Variants in ZNF652 observed in about 807,000 individuals in gnomAD.
The protein encoded by ZNF652 is zinc finger protein 652.
Under a neutral mutation model 45.2 loss-of-function variants are expected in ZNF652, and 16 were observed. The observed-to-expected ratio is 0.35, with a 90% CI of 0.24 to 0.54. The LOEUF is 0.54. Among genes scored for constraint, ZNF652 ranks in the 20% least tolerant of loss-of-function variants. The pLI, the probability that ZNF652 is intolerant of heterozygous loss-of-function variation, is 0.91. For missense variants in ZNF652, 614 were observed against 765.6 expected, an observed-to-expected ratio of 0.80 and a Z score of 2.34; for synonymous variants, 250 against 260.6, an observed-to-expected ratio of 0.96 and a Z score of 0.39.
chr17:49,358,787 C>G (rs2070364294), intron 1 of ZNF652, among the ~76,000 whole-genome samples: 1 of 152,184 alleles, frequency 6.6e-6, no homozygotes, highest in Admixed American at 6.5e-5. Flanking sequence ...GAGACCACAG[C>G]TGCAGAAAGT....
At chr17:49,342,343 TA>T (rs1455310455) in intron 1 of ZNF652, among the ~76,000 whole-genome samples, 1 of 152,120 alleles carries the variant, frequency 6.6e-6, no homozygotes, top group Non-Finnish European at 1.5e-5. Context: ...CAGGAAATTC[TA>T]AAATGTGAAA....
intron 1 of ZNF652, among the ~76,000 whole-genome samples, chr17:49,320,843 T>C (rs916421572): frequency 4.0e-5 from 6 of 151,698 alleles, no homozygotes; most frequent in Non-Finnish European, 8.8e-5. Context: ...CTCGGCTTTC[T>C]GGGCACATGG....
intron 1 of ZNF652, among the ~76,000 whole-genome samples, chr17:49,335,469 T>C (rs980664936): frequency 3.6e-4 from 55 of 152,306 alleles, no homozygotes; most frequent in African/African-American, 1.2e-3. Context: ...CTAATTCATC[T>C]GGTCACCTAT....
At chr17:49,346,213 C>T (rs1160750012) in intron 1 of ZNF652, among the ~76,000 whole-genome samples, 1 of 152,168 alleles carries the variant, frequency 6.6e-6, no homozygotes, top group Non-Finnish European at 1.5e-5. Context: ...TGCCCCCTCA[C>T]AGGTCTCCAA....
At position 49,312,822 on chromosome 17, in the gene ZNF652, G is replaced by T; in HGVS notation, c.924C>A (p.Phe308Leu). Residue 308 changes from phenylalanine (F) to leucine (L), a missense_variant, in exon 3 of 6, where the codon TTC becomes TTA. Phe to Leu is a conservative substitution (Grantham distance 22). Around this residue, in one of 5 missense-constraint regions of ZNF652, gnomAD observed 262 missense variants for 306.3 expected, o/e 0.86. Transcript: ENST00000430262. Reference sequence around the variant, plus strand: ...GTTCATGAAGGGACCAGAGTTTCTTGAACGATTTGTTACAGGAAACACACT... The same window carrying T: ...GTTCATGAAGGGACCAGAGTTTCTTTAACGATTTGTTACAGGAAACACACT... The part of the protein sequence containing the change: ...NIQCVSCNKS[F>L]KKLWSLHEHI... 1 of 1,613,822 alleles carries T rather than the reference G, an allele frequency of 6.2e-7. No individual in the cohort carries two copies. The highest frequency in any genetic ancestry group is 1.1e-5 in the South Asian group (1 of 90,996).
intron 1 of ZNF652, among the ~76,000 whole-genome samples, chr17:49,331,372 C>T (rs1404777131): frequency 1.3e-5 from 2 of 152,040 alleles, no homozygotes; most frequent in African/African-American, 4.8e-5. Context: ...CCACCCACCT[C>T]GGCCTCCCAA....
intron 1 of ZNF652, among the ~76,000 whole-genome samples, chr17:49,347,389 AC>A (rs113503943): frequency 8.9e-4 from 135 of 152,218 alleles, no homozygotes; most frequent in African/African-American, 2.9e-3. Context: ...ACATGGTGAA[AC>A]CTGGTCTCTA....
At position 49,296,036 on chromosome 17, in the gene ZNF652, C is replaced by T. The variant is rs1470765346; in HGVS notation, c.*2377G>A. ...AAAAAAATCATTTTAATACTACAGG[C>T]TTGACCATGAAATAATGATATGTCT... On this transcript the variant is annotated 3_prime_UTR_variant, in exon 6 of 6. Transcript: ENST00000430262. 6.7e-6 allele frequency: 1 copy of T among 150,170 alleles called. No homozygotes were observed. Among genetic ancestry groups the T allele is most frequent in the Non-Finnish European group, 1.5e-5 (1 of 67,772 alleles). The allele number at this position is 150,170 out of a possible 1,614,324, so 9.3% of individuals were successfully genotyped here.
intron 1 of ZNF652, among the ~76,000 whole-genome samples, chr17:49,320,523 C>T (rs541621695): frequency 6.6e-6 from 1 of 152,316 alleles, no homozygotes; most frequent in South Asian, 2.1e-4. Context: ...TGACAAATGA[C>T]ACCTTGAAAT....
chr17:49,352,323 G>A (rs969866565), intron 1 of ZNF652, among the ~76,000 whole-genome samples: 1 of 151,756 alleles, frequency 6.6e-6, no homozygotes, highest in African/African-American at 2.4e-5. Context: ...TTTGGGAGCT[G>A]AAAGAACTTA....
At chr17:49,314,539 A>G (rs528510758) in intron 2 of ZNF652, among the ~76,000 whole-genome samples, 3 of 152,296 alleles carry the variant, frequency 2.0e-5, no homozygotes, top group African/African-American at 7.2e-5. Flanking sequence ...TTTCCCTTAC[A>G]GATCAGTTCC....
At chr17:49,349,890 A>G (rs1191493985) in intron 1 of ZNF652, among the ~76,000 whole-genome samples, 19 of 152,214 alleles carry the variant, frequency 1.2e-4, no homozygotes, top group Admixed American at 1.2e-3. Flanking sequence ...TGTCAAAGAT[A>G]ACTTACATAT....
intron 5 of ZNF652, among the ~76,000 whole-genome samples, chr17:49,303,447 T>C (rs1271273863): frequency 6.6e-6 from 1 of 151,756 alleles, no homozygotes; most frequent in Non-Finnish European, 1.5e-5. Flanking sequence ...ACCACATTGG[T>C]CAGGCTGGTC....
chr17:49,322,839 C>T (rs1409632032), intron 1 of ZNF652, among the ~76,000 whole-genome samples: 6 of 152,146 alleles, frequency 3.9e-5, no homozygotes, highest in Non-Finnish European at 8.8e-5. Flanking sequence ...GAGCCAAGAT[C>T]GTGCCACTGC....
chr17:49,336,497 C>T (rs2070083408), intron 1 of ZNF652, among the ~76,000 whole-genome samples: 1 of 148,912 alleles, frequency 6.7e-6, no homozygotes, highest in African/African-American at 2.5e-5. Flanking sequence ...GCCCAGCTAA[C>T]TTTTGTATTT....
chr17:49,325,172 T>C (rs1389286514), intron 1 of ZNF652, among the ~76,000 whole-genome samples: 1 of 152,174 alleles, frequency 6.6e-6, no homozygotes, highest in Non-Finnish European at 1.5e-5. Context: ...AGCTTAATGA[T>C]TTCTAGCTTT....
At chr17:49,350,048 TA>T (rs1217758138) in intron 1 of ZNF652, among the ~76,000 whole-genome samples, 1 of 152,128 alleles carries the variant, frequency 6.6e-6, no homozygotes, top group African/African-American at 2.4e-5. Context: ...AGAAAAAGGA[TA>T]TTAGCTGAAA....
At chr17:49,339,744 C>G (rs2070124366) in intron 1 of ZNF652, among the ~76,000 whole-genome samples, 1 of 152,174 alleles carries the variant, frequency 6.6e-6, no homozygotes, top group Non-Finnish European at 1.5e-5. Context: ...ATTTTTGCAT[C>G]TTCACAGAGC....
chr17:49,303,936 C>A (rs542828993), intron 5 of ZNF652, among the ~76,000 whole-genome samples: 1 of 151,680 alleles, frequency 6.6e-6, no homozygotes, highest in East Asian at 1.9e-4. Context: ...TCACCCAGGC[C>A]GGAGTGCAGT....
Sources: allele counts gnomAD v4.1 joint callset (sites outside exome capture counted in the v4.1 genomes callset), GRCh38; gene constraint gnomAD v4.1.1; regional missense constraint gnomAD v4.1.1; transcripts MANE v1.5; gene names NCBI Gene and HGNC (gene_info 2026-07-23, HGNC 2026-07-21).